DMD: variants seen among roughly 807,000 people sequenced by gnomAD.
DMD encodes mutant dystrophin.
Under a neutral mutation model 330.1 loss-of-function variants are expected in DMD, and 63 were observed. The ratio of observed to expected loss-of-function variants is 0.19; its 90% CI spans 0.16 to 0.24. DMD has a LOEUF of 0.24. DMD is among the 10% of genes least tolerant of loss of function. The probability of loss-of-function intolerance (pLI) is 1.00; values close to 1 mark genes in which losing one functional copy is unlikely to be tolerated. For synonymous variants in DMD, 1,223 were observed against 959.8 expected, an observed-to-expected ratio of 1.27 and a Z score of -5.07; for missense variants, 3,344 against 2,684.1, an observed-to-expected ratio of 1.25 and a Z score of -5.43.
At chrX:32,574,899 A>AT (rs57772309) in intron 13 of DMD, among the ~76,000 whole-genome samples, 1,935 of 98,379 alleles carry the variant, frequency 0.02, 34 homozygotes, top group African/African-American at 0.05. Context: ...TAATCCACCT[A>AT]TTTTTTTTTT....
In DMD at chrX:33,071,413, T is replaced by C. The variant is rs182056703; in HGVS notation, c.32-51213A>G. Among the ~76,000 whole-genome samples, 659 of 99,646 alleles carry C rather than the reference T, an allele frequency of 6.6e-3. 8 individuals are homozygous for C. Among genetic ancestry groups the C allele is most frequent in the African/African-American group, 0.023 (623 of 26,619 alleles). The allele number at this position is 99,646 out of a possible 115,157, so 86.5% of individuals were successfully genotyped here. On this transcript the variant is annotated intron_variant, in intron 1 of 78. Coordinates refer to ENST00000357033, the MANE Select transcript of DMD (RefSeq NM_004006.3). ...CAGCCTGGGCAACAGAGTGAGACTC[T>C]GTCCTGATTAAAAAAAAAAAAAAAA... is the stretch of plus-strand genomic sequence containing the variant.
At chrX:32,668,005 C>T (rs1398221116) in intron 9 of DMD, among the ~76,000 whole-genome samples, 1 of 109,819 alleles carries the variant, frequency 9.1e-6, no homozygotes, top group African/African-American at 3.3e-5. Flanking sequence ...AAAAATTAGT[C>T]GGGCATGGTG....
chrX:32,116,036 A>G (rs1294912216), intron 44 of DMD, among the ~76,000 whole-genome samples: 2 of 112,024 alleles, frequency 1.8e-5, no homozygotes, highest in Non-Finnish European at 3.8e-5. Context: ...ATTATGAAAG[A>G]GTTAAATTCT....
Position 32,709,740 on chromosome X carries a change from C to G in DMD, c.650-10447G>C, listed in dbSNP as rs369882455. On this transcript the variant is annotated intron_variant, in intron 7 of 78. Coordinates refer to ENST00000357033, the MANE Select transcript of DMD (RefSeq NM_004006.3). The stretch of plus-strand genomic sequence containing the variant: ...CTCTTCAGAGATGCATTTCCTATCC[C>G]ATTTAAAGAAGCCCAACCCCTTTCC... 3.6e-5 allele frequency among the ~76,000 whole-genome samples: 4 copies of G among 111,754 alleles called. No homozygotes were observed. In the South Asian group the frequency reaches 1.5e-3, roughly 42 times the overall value.
intron 63 of DMD, among the ~76,000 whole-genome samples, chrX:31,235,134 G>T (rs1377116749): frequency 2.7e-5 from 3 of 111,806 alleles, no homozygotes; most frequent in Non-Finnish European, 3.8e-5. Flanking sequence ...CTAGGAGAAG[G>T]TTCAGGAGTC....
chrX:31,817,114 A>G (rs1172716481), intron 50 of DMD, among the ~76,000 whole-genome samples: 1 of 111,708 alleles, frequency 9.0e-6, no homozygotes, highest in Non-Finnish European at 1.9e-5. Context: ...TTTAAAAATT[A>G]TCTATATGTT....
At chrX:33,303,336 A>G (rs756060325) in intron 1 of DMD, among the ~76,000 whole-genome samples, 1 of 111,944 alleles carries the variant, frequency 8.9e-6, no homozygotes, top group Admixed American at 9.5e-5. Context: ...GTTTCAGTTA[A>G]GAATTATGGT....
At chrX:33,083,161 T>TCTTA (rs1292877705) in intron 1 of DMD, among the ~76,000 whole-genome samples, 1 of 111,778 alleles carries the variant, frequency 8.9e-6, no homozygotes, top group Non-Finnish European at 1.9e-5. Flanking sequence ...CGGAGTGGCG[T>TCTTA]CTTACGACCC....
chrX:32,818,933 G>A (rs1010776751), intron 5 of DMD, among the ~76,000 whole-genome samples: 12 of 109,139 alleles, frequency 1.1e-4, no homozygotes, highest in South Asian at 4.0e-4. Context: ...TTGAATAAGC[G>A]TGTCATAGGG....
chrX:32,816,846 T>C (rs1010320535), intron 5 of DMD, among the ~76,000 whole-genome samples: 8 of 111,680 alleles, frequency 7.2e-5, no homozygotes, highest in Admixed American at 4.8e-4. Flanking sequence ...TGCCATACCA[T>C]TTACTGAATG....
At chrX:31,809,444 C>CT (rs1216771761) in intron 50 of DMD, among the ~76,000 whole-genome samples, 2 of 107,830 alleles carry the variant, frequency 1.9e-5, no homozygotes, top group South Asian at 3.9e-4. Flanking sequence ...ATAATTTTGA[C>CT]TTTTTTTTTC....
chrX:32,220,838 T>A (rs1418828908), intron 43 of DMD, among the ~76,000 whole-genome samples: 1 of 109,333 alleles, frequency 9.1e-6, no homozygotes. Flanking sequence ...TTGCCTTCTG[T>A]AATATTTCTA....
chrX:31,739,466 T>C lies in DMD; in HGVS notation c.7543-9718A>G, dbSNP rs1408489242. Among the ~76,000 whole-genome samples, 4 of 111,775 alleles carry C rather than the reference T, an allele frequency of 3.6e-5. No individual in the cohort carries two copies. The East Asian group carries it at 1.1e-3, about 31-fold the overall frequency. ...TGAAATTTATTTCTCTATTTCTTTG[T>C]AGTAATGTTTCAATTTGTTGATATT... On this transcript the variant is annotated intron_variant, in intron 51 of 78. Coordinates refer to ENST00000357033, the MANE Select transcript of DMD (RefSeq NM_004006.3).
intron 29 of DMD, among the ~76,000 whole-genome samples, chrX:32,420,828 C>A (rs773453053): frequency 4.9e-4 from 55 of 111,553 alleles, no homozygotes; most frequent in African/African-American, 1.7e-3. Flanking sequence ...AATCTTCAGT[C>A]AAGCAGTGTG....
chrX:32,465,418 C>T (rs2098398160), intron 23 of DMD, among the ~76,000 whole-genome samples: 1 of 110,850 alleles, frequency 9.0e-6, no homozygotes, highest in Admixed American at 9.7e-5. Flanking sequence ...ATGTGCTCCA[C>T]AGAAAGTTTC....
chrX:31,970,036 G>A (rs1236163458), intron 44 of DMD, among the ~76,000 whole-genome samples: 2 of 111,893 alleles, frequency 1.8e-5, no homozygotes, highest in Admixed American at 1.9e-4. Flanking sequence ...CTATATATTA[G>A]GTTGGTGCAA....
intron 18 of DMD, among the ~76,000 whole-genome samples, chrX:32,507,819 C>T (rs2044785817): frequency 9.0e-6 from 1 of 110,982 alleles, no homozygotes; most frequent in Admixed American, 9.6e-5. Flanking sequence ...TTGTTGTATA[C>T]CATTTTATAC....
At chrX:32,645,938 T>C in intron 9 of DMD, among the ~76,000 whole-genome samples, 1 of 111,501 alleles carries the variant, frequency 9.0e-6, no homozygotes, top group South Asian at 3.8e-4. Context: ...TGTTAAAAAA[T>C]TGCTAAGAAG....
intron 44 of DMD, among the ~76,000 whole-genome samples, chrX:32,030,397 C>A (rs191017285): frequency 8.9e-6 from 1 of 112,170 alleles, no homozygotes; most frequent in Admixed American, 9.5e-5. Flanking sequence ...TGAAATAATT[C>A]TCTTACATGT....
Sources: allele counts gnomAD v4.1 joint callset (sites outside exome capture counted in the v4.1 genomes callset), GRCh38; gene constraint gnomAD v4.1.1; transcripts MANE v1.5; gene names NCBI Gene and HGNC (gene_info 2026-07-23, HGNC 2026-07-21).